AMZ1: variants seen among roughly 807,000 people sequenced by gnomAD.
The protein encoded by AMZ1 is archaemetzincin-1.
AMZ1 carries 39 observed loss-of-function variants against 29.9 expected under a neutral mutation model. The observed-to-expected ratio is 1.30, with a 90% CI of 1.01 to 1.70. The LOEUF is 1.70. AMZ1 is among the 40% of genes most tolerant of loss of function. AMZ1 has a pLI of 0.00. For synonymous variants in AMZ1, 458 were observed against 304.0 expected, an observed-to-expected ratio of 1.51 and a Z score of -5.27; for missense variants, 1,041 against 680.6, an observed-to-expected ratio of 1.53 and a Z score of -5.89.
At chr7:2,746,974 A>C (rs1173809707) in intron 4 of AMZ1, among the ~76,000 whole-genome samples, 7 of 152,242 alleles carry the variant, frequency 4.6e-5, no homozygotes, top group Non-Finnish European at 1.0e-4. Context: ...ACCAGGAAGA[A>C]GTTGAATCTC....
intron 1 of AMZ1, among the ~76,000 whole-genome samples, chr7:2,682,620 T>C (rs1786923344): frequency 6.6e-6 from 1 of 152,104 alleles, no homozygotes; most frequent in Non-Finnish European, 1.5e-5. Flanking sequence ...CTTTGCCTCC[T>C]TCCTGGACGT....
chr7:2,733,108 T>C (rs938604546), intron 4 of AMZ1, among the ~76,000 whole-genome samples: 4 of 152,238 alleles, frequency 2.6e-5, no homozygotes, highest in Non-Finnish European at 5.9e-5. Flanking sequence ...GAAACAAGAC[T>C]GGTAATCAGT....
intron 4 of AMZ1, among the ~76,000 whole-genome samples, chr7:2,750,246 A>C (rs798502): frequency 0.24 from 36,547 of 152,136 alleles, 5,068 homozygotes; most frequent in East Asian, 0.31. Context: ...GCTTAGACCC[A>C]TCAGAGAGCT....
At chr7:2,762,313 C>G, upstream of AMZ1, 2 of 302,062 alleles carry the variant, frequency 6.6e-6, no homozygotes, top group Non-Finnish European at 1.2e-5. Flanking sequence ...CCACCACTCA[C>G]GCCAGGCGCT....
chr7:2,704,034 G>A (rs545752968), intron 3 of AMZ1, among the ~76,000 whole-genome samples: 12 of 152,162 alleles, frequency 7.9e-5, no homozygotes, highest in Non-Finnish European at 1.5e-4. Flanking sequence ...GACTACAGGC[G>A]GCTGCCACCA....
At chr7:2,720,387 G>A (rs1295122038), downstream of AMZ1, among the ~76,000 whole-genome samples, 3 of 152,186 alleles carry the variant, frequency 2.0e-5, no homozygotes, top group Non-Finnish European at 4.4e-5. Flanking sequence ...TGTTTTGGGG[G>A]CTGGAGGGGA....
chr7:2,712,704 G>C lies in AMZ1; in HGVS notation c.1323G>C (p.Glu441Asp), dbSNP rs201920399. ...DRAVDALDRWEMFTGQLPATR... is the reference protein window; with the variant it reads ...DRAVDALDRWDMFTGQLPATR... The stretch of plus-strand genomic sequence containing the variant: ...CCGTGGACGCCCTCGACCGCTGGGA[G>C]ATGTTCACGGGCCAGCTCCCGGCCA... The change falls in exon 7 of 7, where the codon GAG becomes GAC. Residue 441 changes from glutamate to aspartate, a missense_variant. By Grantham distance (45) the Glu-to-Asp change is conservative (BLOSUM62 2). Transcript: ENST00000683327. 3 of 1,611,342 alleles carry C rather than the reference G, an allele frequency of 1.9e-6. No homozygotes were observed. Among genetic ancestry groups the C allele is most frequent in the Non-Finnish European group, 2.5e-6 (3 of 1,179,134 alleles).
At chr7:2,734,847 C>G (rs140577408) in intron 4 of AMZ1, among the ~76,000 whole-genome samples, 1 of 152,200 alleles carries the variant, frequency 6.6e-6, no homozygotes, top group Non-Finnish European at 1.5e-5. Flanking sequence ...CACCGGCTCT[C>G]TAGAGCCCCA....
At chr7:2,699,269 G>A (rs547102923) in intron 1 of AMZ1, among the ~76,000 whole-genome samples, 90 of 152,242 alleles carry the variant, frequency 5.9e-4, no homozygotes, top group African/African-American at 2.2e-3. Context: ...CTAAGTGTGG[G>A]GTTGCCTAGC....
upstream of AMZ1, among the ~76,000 whole-genome samples, chr7:2,685,512 C>T (rs747317308): frequency 6.7e-6 from 1 of 149,372 alleles, no homozygotes; most frequent in Non-Finnish European, 1.5e-5. Flanking sequence ...GAGCCGAGAT[C>T]GCGCCACTTG....
chr7:2,683,789 A>G (rs1786972394), upstream of AMZ1, among the ~76,000 whole-genome samples: 1 of 151,274 alleles, frequency 6.6e-6, no homozygotes, highest in Admixed American at 6.6e-5. Flanking sequence ...CTGGTCTCCA[A>G]CTCCTGGGCT....
Position 2,692,278 on chromosome 7 carries a change from C to T in AMZ1, c.-219+3982C>T, listed in dbSNP as rs188310303. On this transcript the variant is annotated intron_variant, in intron 1 of 6. Transcript: ENST00000683327. ...GAGCTTGGCCGGGCGTGGTGGCTCA[C>T]GCCTGTAATCCCAACACTCTGGGAG... Among the ~76,000 whole-genome samples the T allele has an allele frequency of 4.2e-3, 643 of 152,176 alleles. 4 individuals are homozygous for T. The highest frequency in any genetic ancestry group is 0.015 in the African/African-American group (612 of 41,504).
At chr7:2,757,327 G>A (rs1044084717) in intron 4 of AMZ1, among the ~76,000 whole-genome samples, 3 of 151,998 alleles carry the variant, frequency 2.0e-5, no homozygotes, top group African/African-American at 4.8e-5. Context: ...GTAGAGACAG[G>A]GTTTCGCCAT....
rs979142806 is a variant in AMZ1, at chr7:2,718,166, C to G, written c.*5288C>G. On this transcript the variant is annotated 3_prime_UTR_variant, in exon 7 of 7. Transcript: ENST00000683327. ...CCTGCTCCCTGGGCTTTTTAATGAACGCACTTCTGTCACATGGAAACTGAG... is the reference window on the plus strand; with the variant it reads ...CCTGCTCCCTGGGCTTTTTAATGAAGGCACTTCTGTCACATGGAAACTGAG... 6.6e-6 allele frequency among the ~76,000 whole-genome samples: 1 copy of G among 152,192 alleles called. No individual in the cohort carries two copies. Among genetic ancestry groups the G allele is most frequent in the Non-Finnish European group, 1.5e-5 (1 of 68,020 alleles).
chr7:2,737,778 T>A (rs1380303417), intron 4 of AMZ1, among the ~76,000 whole-genome samples: 2 of 152,234 alleles, frequency 1.3e-5, no homozygotes, highest in Admixed American at 6.5e-5. Context: ...AACAGCAAAC[T>A]ATGCCAAAGG....
intron 2 of AMZ1, among the ~76,000 whole-genome samples, chr7:2,701,124 A>G (rs1200520951): frequency 6.6e-6 from 1 of 152,154 alleles, no homozygotes; most frequent in African/African-American, 2.4e-5. Flanking sequence ...CCAGCTATTC[A>G]GGAGGCTGAG....
At chr7:2,700,107 C>T (rs1357030539) in intron 1 of AMZ1, 127 bp from the exon 2 acceptor site, 2 of 298,304 alleles carry the variant, frequency 6.7e-6, no homozygotes, top group Admixed American at 4.5e-5. Context: ...GGCCAGGGCT[C>T]CCTCTGACAC....
chr7:2,731,130 C>T lies in AMZ1; in HGVS notation n.550+21314C>T, dbSNP rs765049831. 17 of 1,271,346 alleles carry T rather than the reference C, an allele frequency of 1.3e-5. No individual in the cohort carries two copies. The highest frequency in any genetic ancestry group is 1.9e-4 in the Middle Eastern group (1 of 5,222). The allele number at this position is 1,271,346 out of a possible 1,614,324, so 78.8% of individuals were successfully genotyped here. ...AGACAACACACACCCAAGAGTCTGA[C>T]CGACAGCCGTGGGGGCTGCTCAACG... On this transcript the variant is annotated intron_variant and non_coding_transcript_variant, in intron 4 of 4. Transcript: ENST00000489665. This position sits in a 1 kb window ranked among gnomAD's most constrained non-coding sequence, Gnocchi z 6.0.
At chr7:2,698,941 A>G (rs943160033) in intron 1 of AMZ1, among the ~76,000 whole-genome samples, 1 of 152,042 alleles carries the variant, frequency 6.6e-6, no homozygotes, top group Admixed American at 6.6e-5. Context: ...TTGCAACTTG[A>G]CGGTCGCAGA....
Sources: allele counts gnomAD v4.1 joint callset (sites outside exome capture counted in the v4.1 genomes callset), GRCh38; gene constraint gnomAD v4.1.1; non-coding constraint Gnocchi (gnomAD v3.1); transcripts MANE v1.5; gene names NCBI Gene and HGNC (gene_info 2026-07-23, HGNC 2026-07-21).